Variants in NRXN3 observed in about 807,000 individuals in gnomAD.
The protein encoded by NRXN3 is neurexin III.
Under a neutral mutation model 137.6 loss-of-function variants are expected in NRXN3, and 32 were observed. The ratio of observed to expected loss-of-function variants is 0.23; its 90% CI spans 0.18 to 0.31. The LOEUF (loss-of-function observed/expected upper bound fraction) is 0.31, where lower values mean the gene tolerates loss of function less well. Among genes scored for constraint, NRXN3 ranks in the 10% least tolerant of loss-of-function variants. The pLI is 1.00. For synonymous variants in NRXN3, 798 were observed against 784.5 expected (o/e 1.02, Z -0.29); for missense variants, 1,574 against 2,062.5 (o/e 0.76, Z 4.59).
chr14:79,435,839 G>A (rs2095839056), intron 15 of NRXN3, among the ~76,000 whole-genome samples: 1 of 151,976 alleles, frequency 6.6e-6, no homozygotes, highest in African/African-American at 2.4e-5. Flanking sequence ...TCCCTGTGTT[G>A]CCCAGGCTGG....
intron 10 of NRXN3, among the ~76,000 whole-genome samples, chr14:78,918,103 T>C (rs2099260815): frequency 6.8e-6 from 1 of 148,072 alleles, no homozygotes; most frequent in South Asian, 2.1e-4. Context: ...CTGACAAACA[T>C]GGAGAAACCT....
chr14:78,817,034 A>G (rs2098935775), intron 10 of NRXN3, among the ~76,000 whole-genome samples: 1 of 152,352 alleles, frequency 6.6e-6, no homozygotes, highest in Admixed American at 6.5e-5. Flanking sequence ...TTTGATAAAC[A>G]GGGATATTGT....
rs777291786 is a variant in NRXN3, at chr14:79,861,946, C to A, written c.4698C>A (p.Asp1566Glu). 1 of 1,612,990 alleles carries A rather than the reference C, an allele frequency of 6.2e-7. No homozygotes were observed. The highest frequency in any genetic ancestry group is 8.5e-7 in the Non-Finnish European group (1 of 1,179,416). The change falls in exon 21 of 21, where the codon GAC becomes GAA. Residue 1566 changes from aspartate (D) to glutamate (E), a missense_variant. By Grantham distance (45) the Asp-to-Glu change is conservative (BLOSUM62 2). Around this residue, in one of 5 missense-constraint regions of NRXN3, gnomAD observed 320 missense variants for 387.1 expected, o/e 0.83. Coordinates refer to ENST00000335750, the MANE Select transcript of NRXN3 (RefSeq NM_001330195.2). The surrounding 1 kb of genome is among the most constrained non-coding windows in gnomAD (Gnocchi z 5.4). Reference protein sequence around the residue: ...KSGHKKQKNKDREYYV With the variant: ...KSGHKKQKNKEREYYV ...GCCACAAGAAACAGAAAAACAAGGACAGGGAGTATTACGTGTAAACATGCG... is the reference window on the plus strand; with the variant it reads ...GCCACAAGAAACAGAAAAACAAGGAAAGGGAGTATTACGTGTAAACATGCG...
rs148777705 is a variant in NRXN3 at position 78,816,211 on chromosome 14, T to G, written c.2275+5867T>G. On this transcript the variant is annotated intron_variant, in intron 10 of 20. Coordinates refer to ENST00000335750, the MANE Select transcript of NRXN3 (RefSeq NM_001330195.2). ...GATTGGTTTATTTTAAAATAGTTAA[T>G]AAGATTATACATGGAACAAAAGGCA... Among the ~76,000 whole-genome samples the G allele has an allele frequency of 3.0e-3, 456 of 152,280 alleles. 1 individual carries two copies. The highest frequency in any genetic ancestry group is 0.011 in the African/African-American group (442 of 41,584).
intron 15 of NRXN3, among the ~76,000 whole-genome samples, chr14:79,344,539 C>A (rs996942683): frequency 6.6e-6 from 1 of 152,130 alleles, no homozygotes; most frequent in Non-Finnish European, 1.5e-5. Context: ...ATTAAAATAT[C>A]TTTTTCTTTT....
chr14:78,930,637 T>C (rs1388198768), intron 10 of NRXN3, among the ~76,000 whole-genome samples: 2 of 152,194 alleles, frequency 1.3e-5, no homozygotes, highest in Admixed American at 1.3e-4. Context: ...TACTTTTATC[T>C]GCGCTGAAGG....
At chr14:78,742,868 T>G (rs945467611) in intron 8 of NRXN3, among the ~76,000 whole-genome samples, 1 of 152,246 alleles carries the variant, frequency 6.6e-6, no homozygotes, top group South Asian at 2.1e-4. Flanking sequence ...TATAAATCCT[T>G]AGTTTTCTAC....
intron 16 of NRXN3, among the ~76,000 whole-genome samples, chr14:79,513,009 G>A (rs114555761): frequency 0.015 from 2,333 of 152,322 alleles, 30 homozygotes; most frequent in East Asian, 0.055. Context: ...TTTGCAGATA[G>A]ATTATTAACA....
chr14:78,483,387 C>T (rs2095504952), intron 4 of NRXN3, among the ~76,000 whole-genome samples: 1 of 152,212 alleles, frequency 6.6e-6, no homozygotes, highest in Non-Finnish European at 1.5e-5. Context: ...GGTTTTCTTA[C>T]TGACTTCAGC....
intron 4 of NRXN3, among the ~76,000 whole-genome samples, chr14:78,435,198 G>T (rs1386016248): frequency 6.6e-6 from 1 of 152,038 alleles, no homozygotes; most frequent in Non-Finnish European, 1.5e-5. Context: ...ATTTCTATCT[G>T]GTCTTCACTT....
chr14:78,388,142 A>G (rs994818631), intron 4 of NRXN3, among the ~76,000 whole-genome samples: 2 of 152,140 alleles, frequency 1.3e-5, no homozygotes, highest in South Asian at 2.1e-4. Flanking sequence ...GGATATTACT[A>G]TTGCTATTTC....
At chr14:79,040,433 G>A (rs61639937) in intron 15 of NRXN3, among the ~76,000 whole-genome samples, 65,828 of 152,040 alleles carry the variant, frequency 0.43, 15,667 homozygotes, top group African/African-American at 0.62. Context: ...AAGAAGAATG[G>A]ACAAACACTA....
At chr14:79,443,037 G>A (rs531530615) in intron 15 of NRXN3, among the ~76,000 whole-genome samples, 2 of 152,136 alleles carry the variant, frequency 1.3e-5, no homozygotes, top group African/African-American at 4.8e-5. Context: ...CACTTCAAAG[G>A]GTACACAGAC....
At chr14:79,728,034 G>A (rs1422077027) in intron 19 of NRXN3, among the ~76,000 whole-genome samples, 1 of 152,108 alleles carries the variant, frequency 6.6e-6, no homozygotes, top group Non-Finnish European at 1.5e-5. Flanking sequence ...CTACTGAGAG[G>A]CAACTTCTCC....
At chr14:78,810,408 G>A in intron 10 of NRXN3, 64 bp downstream of exon 10, 1 of 797,170 alleles carries the variant, frequency 1.3e-6, no homozygotes, top group Non-Finnish European at 1.7e-6. Flanking sequence ...ACTTTATTTT[G>A]TTTACTGTTT....
At chr14:78,418,941 T>A (rs1032542783) in intron 4 of NRXN3, among the ~76,000 whole-genome samples, 2 of 152,230 alleles carry the variant, frequency 1.3e-5, no homozygotes, top group African/African-American at 4.8e-5. Context: ...CAGCACTGTA[T>A]GTTCTCAAGT....
chr14:78,224,537 G>T (rs988013024), intron 1 of NRXN3, among the ~76,000 whole-genome samples: 2 of 151,530 alleles, frequency 1.3e-5, no homozygotes, highest in African/African-American at 4.9e-5. Context: ...TTGGTTTTTT[G>T]TCCTTGTGAT....
chr14:78,330,201 T>A (rs969488322), intron 4 of NRXN3, among the ~76,000 whole-genome samples: 1 of 152,154 alleles, frequency 6.6e-6, no homozygotes, highest in Non-Finnish European at 1.5e-5. Flanking sequence ...TTCATTTTCT[T>A]GAAACAGAGA....
intron 16 of NRXN3, among the ~76,000 whole-genome samples, chr14:79,648,377 C>T (rs1368369159): frequency 7.4e-6 from 1 of 135,242 alleles, no homozygotes; most frequent in Non-Finnish European, 1.7e-5. Flanking sequence ...GTTACTAAAT[C>T]TTACCATTTT....
Sources: allele counts gnomAD v4.1 joint callset (sites outside exome capture counted in the v4.1 genomes callset), GRCh38; gene constraint gnomAD v4.1.1; regional missense constraint gnomAD v4.1.1; non-coding constraint Gnocchi (gnomAD v3.1); transcripts MANE v1.5; gene names NCBI Gene and HGNC (gene_info 2026-07-23, HGNC 2026-07-21).